KIFC3: variants seen among roughly 807,000 people sequenced by gnomAD.
KIFC3 encodes the protein kinesin-like protein KIFC3.
Under a neutral mutation model 101.8 loss-of-function variants are expected in KIFC3, and 60 were observed. The observed-to-expected ratio is 0.59, with a 90% CI of 0.48 to 0.73. The LOEUF (loss-of-function observed/expected upper bound fraction) is 0.73, where lower values mean the gene tolerates loss of function less well. Among genes scored for constraint, KIFC3 ranks in the 30% least tolerant of loss-of-function variants. The pLI is 0.00. For missense variants in KIFC3, 966 were observed against 1,137.1 expected, an observed-to-expected ratio of 0.85 and a Z score of 2.16; for synonymous variants, 476 against 482.7, an observed-to-expected ratio of 0.99 and a Z score of 0.18.
chr16:57,857,200 T>C (rs1354962233), intron 1 of KIFC3, among the ~76,000 whole-genome samples: 1 of 152,154 alleles, frequency 6.6e-6, no homozygotes, highest in African/African-American at 2.4e-5. Flanking sequence ...TATATTCTTC[T>C]GGTTTCTGCC....
At chr16:57,857,392 TTTC>T (rs139911606) in intron 1 of KIFC3, among the ~76,000 whole-genome samples, 9,043 of 88,298 alleles carry the variant, frequency 0.1, 521 homozygotes, top group East Asian at 0.37. Context: ...CCCTAAAACC[TTTC>T]TTTTTTTTTT....
chr16:57,837,677 TG>T (rs1240230575), intron 1 of KIFC3, among the ~76,000 whole-genome samples: 1 of 152,122 alleles, frequency 6.6e-6, no homozygotes, highest in Non-Finnish European at 1.5e-5. Flanking sequence ...GGCAGACATG[TG>T]TCCTCAGGGA....
At chr16:57,793,592 CAAA>C (rs1289045115) in intron 3 of KIFC3, among the ~76,000 whole-genome samples, 1 of 86,548 alleles carries the variant, frequency 1.2e-5, no homozygotes. Flanking sequence ...GACTCTGTCT[CAAA>C]AAAAAAAAAC....
intron 3 of KIFC3, among the ~76,000 whole-genome samples, chr16:57,790,054 T>TTTTC (rs1238116970): frequency 3.2e-4 from 38 of 119,068 alleles, no homozygotes; most frequent in South Asian, 1.2e-3. Flanking sequence ...TTTGCTTTCT[T>TTTTC]TTTCTTTCTT....
At chr16:57,854,641 AAAAG>A (rs531991841) in intron 1 of KIFC3, among the ~76,000 whole-genome samples, 8,216 of 151,168 alleles carry the variant, frequency 0.054, 239 homozygotes, top group Non-Finnish European at 0.063. Context: ...AAAAAAAAAA[AAAAG>A]AAAGAAAGAA....
At chr16:57,800,296 G>A (rs1376317652) in intron 1 of KIFC3, among the ~76,000 whole-genome samples, 4 of 152,134 alleles carry the variant, frequency 2.6e-5, no homozygotes, top group South Asian at 2.1e-4. Context: ...ACTGGGAAGG[G>A]GATGGGAATG....
chr16:57,843,670 A>G (rs2055855969), intron 1 of KIFC3, among the ~76,000 whole-genome samples: 1 of 151,782 alleles, frequency 6.6e-6, no homozygotes, highest in Admixed American at 6.6e-5. Flanking sequence ...CAAACAAACA[A>G]AATCCCTGGT....
At position 57,769,644 on chromosome 16, in the gene KIFC3, C is replaced by T. The variant is rs782440403; in HGVS notation, c.1169G>A (p.Arg390His). The change falls in exon 9 of 20, where the codon CGC becomes CAC. Residue 390 changes from arginine (R) to histidine (H), a missense_variant. By Grantham distance (29) the Arg-to-His change is conservative. Transcript: ENST00000445690. The surrounding 1 kb of genome is among the most constrained non-coding windows in gnomAD (Gnocchi z 4.3). The part of the protein sequence containing the change: ...NDYNGLKRQV[R>H]GFPLLLQEAL... ...CTCCTGCAGCAGCAGTGGGAAGCCG[C>T]GCACCTGCCGCTTGAGCCCATTGTA... is the stretch of plus-strand genomic sequence containing the variant. 1.4e-5 allele frequency: 22 copies of T among 1,611,354 alleles called. No individual in the cohort carries two copies. The South Asian group carries it at 1.4e-4, about 10-fold the overall frequency.
chr16:57,769,525 T>C lies in KIFC3; in HGVS notation c.1218+70A>G, dbSNP rs900452279. ...TTGTCTGAGCTTTGGAGGGACGCCC[T>C]GAGTGGATGTCGTGCCTCTCCCAGT... On this transcript the variant is annotated intron_variant, in intron 9 of 19. Transcript: ENST00000445690. The surrounding 1 kb of genome is among the most constrained non-coding windows in gnomAD (Gnocchi z 4.3). 3.2e-5 allele frequency: 49 copies of C among 1,540,858 alleles called. No individual in the cohort carries two copies. In the Admixed American group the frequency reaches 8.8e-4, roughly 28 times the overall value.
chr16:57,839,889 T>C (rs1242315035), intron 1 of KIFC3, among the ~76,000 whole-genome samples: 11 of 152,128 alleles, frequency 7.2e-5, no homozygotes, highest in African/African-American at 2.7e-4. Flanking sequence ...TTTAAGCACT[T>C]TCCTTTTCAT....
Position 57,798,372 on chromosome 16 carries a change from G to A in KIFC3, c.-39-90C>T, listed in dbSNP as rs183264507. 69 of 1,182,124 alleles carry A rather than the reference G, an allele frequency of 5.8e-5. No individual in the cohort carries two copies. The East Asian group carries it at 1.1e-3, about 18-fold the overall frequency. The allele number at this position is 1,182,124 out of a possible 1,614,324, so 73.2% of individuals were successfully genotyped here. On this transcript the variant is annotated intron_variant, in intron 1 of 19. Transcript: ENST00000445690. The stretch of plus-strand genomic sequence containing the variant: ...GAGCCAGCCATCTGGAAGGGTCTAC[G>A]CCCCACCGGTCGCTGGTTACCCAGC...
At chr16:57,796,746 G>GCA (rs138376832) in intron 2 of KIFC3, among the ~76,000 whole-genome samples, 8 of 151,636 alleles carry the variant, frequency 5.3e-5, no homozygotes, top group South Asian at 2.1e-4. Context: ...CTATATGCAT[G>GCA]CACACACACA....
chr16:57,767,069 T>C (rs2050578027), intron 9 of KIFC3, 84 bp from the exon 10 acceptor site: 2 of 1,031,734 alleles, frequency 1.9e-6, no homozygotes, highest in African/African-American at 3.1e-5. Context: ...GGGTGCTCAC[T>C]GCCTCCTGCC....
chr16:57,858,882 C>G (rs1296213815), intron 1 of KIFC3, among the ~76,000 whole-genome samples: 3 of 152,072 alleles, frequency 2.0e-5, no homozygotes, highest in South Asian at 2.1e-4. Flanking sequence ...CTGGGGAAAT[C>G]AATGCCGCAG....
intron 3 of KIFC3, chr16:57,776,520 T>C: frequency 1.9e-6 from 1 of 513,542 alleles, no homozygotes; most frequent in Non-Finnish European, 2.5e-6. Flanking sequence ...TCTTAAGTTC[T>C]CTATGTCTCT....
chr16:57,829,630 A>C (rs1375655094), intron 1 of KIFC3, among the ~76,000 whole-genome samples: 1 of 152,208 alleles, frequency 6.6e-6, no homozygotes, highest in African/African-American at 2.4e-5. Flanking sequence ...GGCTCAGGAA[A>C]GTCACCATGC....
At chr16:57,760,097 G>A in intron 17 of KIFC3, 185 bp downstream of exon 17, 2 of 748,844 alleles carry the variant, frequency 2.7e-6, no homozygotes, top group South Asian at 1.8e-5. Context: ...AACCTCCGAG[G>A]CCAAGAAGAA....
At chr16:57,860,022 A>AAAAATAAAATAAAATAAAATAAAAT (rs547546702) in intron 1 of KIFC3, among the ~76,000 whole-genome samples, 72 of 86,892 alleles carry the variant, frequency 8.3e-4, no homozygotes, top group South Asian at 3.5e-3. Flanking sequence ...ACTCTGTCTC[A>AAAAATAAAATAAAATAAAATAAAAT]AAAATAAAAT....
chr16:57,830,243 T>C (rs1555479032), intron 1 of KIFC3, among the ~76,000 whole-genome samples: 2 of 147,486 alleles, frequency 1.4e-5, no homozygotes, highest in Non-Finnish European at 3.0e-5. Flanking sequence ...TTTCTTTTTT[T>C]TTTTTTTTTT....
Sources: gnomAD v4.1 joint callset for allele counts (sites outside exome capture counted in the v4.1 genomes callset) on GRCh38, gnomAD v4.1.1 for gene constraint, Gnocchi (gnomAD v3.1) non-coding constraint, MANE v1.5 for transcripts, NCBI Gene and HGNC (gene_info 2026-07-23, HGNC 2026-07-21) for gene names.